CMTR1: variants seen among roughly 807,000 people sequenced by gnomAD.
The protein encoded by CMTR1 is cap-specific mRNA (nucleoside-2'-O-)-methyltransferase 1.
CMTR1 carries 39 observed loss-of-function variants against 107.0 expected under a neutral mutation model. The ratio of observed to expected loss-of-function variants is 0.36; its 90% CI spans 0.28 to 0.48. The LOEUF (loss-of-function observed/expected upper bound fraction) is 0.48, where lower values mean the gene tolerates loss of function less well. Ranked by LOEUF, CMTR1 falls within the 20% of genes least tolerant of loss-of-function variation. The pLI, the probability that CMTR1 is intolerant of heterozygous loss-of-function variation, is 0.99. For missense variants in CMTR1, 672 were observed against 1,064.9 expected, an observed-to-expected ratio of 0.63 and a Z score of 5.14; for synonymous variants, 366 against 379.5, an observed-to-expected ratio of 0.96 and a Z score of 0.41.
chr6:37,424,304 G>A, the CMTR1 span, among the ~76,000 whole-genome samples: 2 of 151,240 alleles, frequency 1.3e-5, no homozygotes, highest in Non-Finnish European at 2.9e-5. Flanking sequence ...GTGCAGTGGT[G>A]GGATCTCAGC....
Position 37,480,127 on chromosome 6 carries a change from C to T in CMTR1, c.2490C>T (p.Ile830=). Residue 830 remains isoleucine, a synonymous_variant, in exon 24 of 24, where the codon ATC becomes ATT. Coordinates refer to ENST00000373451, the MANE Select transcript of CMTR1 (RefSeq NM_015050.3). ...KLSKEDVLSF[I]QMHRA The stretch of plus-strand genomic sequence containing the variant: ...CCAAGGAGGACGTCCTCTCCTTCAT[C>T]CAGATGCACAGGGCCTAAGAGCCTC... 1.3e-6 allele frequency: 2 copies of T among 1,599,306 alleles called. No homozygotes were observed. The highest frequency in any genetic ancestry group is 2.3e-5 in the East Asian group (1 of 43,350).
chr6:37,464,423 C>T (rs1204853989), intron 13 of CMTR1, among the ~76,000 whole-genome samples: 1 of 150,948 alleles, frequency 6.6e-6, no homozygotes, highest in Non-Finnish European at 1.5e-5. Context: ...GCCGAGATCG[C>T]GCCACTGCAC....
At position 37,479,359 on chromosome 6, in the gene CMTR1, G is replaced by C. The variant is rs113130376; in HGVS notation, c.2375+104G>C. On this transcript the variant is annotated intron_variant, in intron 23 of 23. Transcript: ENST00000373451. ...GCACACCCTGGGTCCTGAGACTGTT[G>C]CCCATGCAGGGGTTCCCCTGAGCAC... 3,716 of 821,746 alleles carry C rather than the reference G, an allele frequency of 4.5e-3. 90 individuals carry two copies. The African/African-American group carries it at 0.054, about 12-fold the overall frequency. The allele number at this position is 821,746 out of a possible 1,614,324, so 50.9% of individuals were successfully genotyped here.
intron 13 of CMTR1, among the ~76,000 whole-genome samples, chr6:37,467,771 C>G (rs1761536448): frequency 6.6e-6 from 1 of 152,158 alleles, no homozygotes; most frequent in African/African-American, 2.4e-5. Context: ...ATTAGTATAG[C>G]CACATAAGCT....
At chr6:37,467,417 C>A (rs533156654) in intron 13 of CMTR1, among the ~76,000 whole-genome samples, 1 of 152,038 alleles carries the variant, frequency 6.6e-6, no homozygotes, top group Admixed American at 6.6e-5. Flanking sequence ...ATTTTATGAC[C>A]CATCATATGC....
Position 37,461,557 on chromosome 6 carries a change from G to A in CMTR1, c.1104G>A (p.Ser368=), listed in dbSNP as rs763006667. The part of the protein sequence containing the change: ...VHFLMADGGF[S]VEGQENLQEI... ...TTGTGCTCTCATTTCAGGGTTTCTC[G>A]GTGGAGGGGCAGGAGAACCTGCAGG... The change falls in exon 11 of 24, where the codon TCG becomes TCA. Residue 368 remains serine (S), a synonymous_variant. Transcript: ENST00000373451. 5.6e-6 allele frequency: 9 copies of A among 1,601,922 alleles called. No individual in the cohort carries two copies. Among genetic ancestry groups the A allele is most frequent in the Admixed American group, 3.5e-5 (2 of 57,818 alleles).
chr6:37,471,329 A>G (rs528830959), intron 14 of CMTR1, among the ~76,000 whole-genome samples: 2 of 152,352 alleles, frequency 1.3e-5, no homozygotes, highest in East Asian at 3.9e-4. Flanking sequence ...TTAACAGTGC[A>G]TCAGAGGGTG....
At position 37,480,205 on chromosome 6, in the gene CMTR1, G is replaced by A; in HGVS notation, c.*60G>A. On this transcript the variant is annotated 3_prime_UTR_variant, in exon 24 of 24. Coordinates refer to ENST00000373451, the MANE Select transcript of CMTR1 (RefSeq NM_015050.3). ...TGTCATTCCTGAGATGGGGCCACCT[G>A]GGGCCCACAGTGCTGGCTTCTTCCC... 6.3e-7 allele frequency: 1 copy of A among 1,586,372 alleles called. No individual in the cohort carries two copies. The highest frequency in any genetic ancestry group is 8.5e-7 in the Non-Finnish European group (1 of 1,170,546).
chr6:37,431,548 C>T (rs1370839426), upstream of CMTR1, among the ~76,000 whole-genome samples: 1 of 150,962 alleles, frequency 6.6e-6, no homozygotes, highest in Non-Finnish European at 1.5e-5. Flanking sequence ...ACAATCTTTC[C>T]TGTACAGAGT....
At chr6:37,438,317 T>C (rs1771586482) in intron 2 of CMTR1, among the ~76,000 whole-genome samples, 1 of 151,744 alleles carries the variant, frequency 6.6e-6, no homozygotes, top group South Asian at 2.1e-4. Flanking sequence ...GAGGTAGAGG[T>C]TGCACTGAGC....
Position 37,481,197 on chromosome 6 carries a change from G to A in CMTR1, c.*1052G>A. 7.7e-7 allele frequency: 1 copy of A among 1,303,654 alleles called. No individual in the cohort carries two copies. The highest frequency in any genetic ancestry group is 1.0e-6 in the Non-Finnish European group (1 of 988,746). 80.8% of individuals were successfully genotyped at this position (1,303,654 alleles called of 1,614,324 possible). The stretch of plus-strand genomic sequence containing the variant: ...ATCTTGGCCGACAACACAGAGAGGA[G>A]GGGGAGCTGGGCAGTAGCTTGGGGT... On this transcript the variant is annotated 3_prime_UTR_variant, in exon 24 of 24. Transcript: ENST00000373451.
chr6:37,453,459 A>C (rs1407603656), intron 8 of CMTR1, 147 bp downstream of exon 8: 1 of 736,458 alleles, frequency 1.4e-6, no homozygotes, highest in African/African-American at 1.8e-5. Flanking sequence ...ATAGGGTCCC[A>C]CAGTGCTTCT....
chr6:37,436,038 C>T (rs1232121614), intron 2 of CMTR1, among the ~76,000 whole-genome samples: 1 of 152,194 alleles, frequency 6.6e-6, no homozygotes, highest in Non-Finnish European at 1.5e-5. Flanking sequence ...CTGCCTTAAA[C>T]CAGTTAGAAG....
At chr6:37,474,788 A>T in intron 18 of CMTR1, 142 bp downstream of exon 18, 1 of 1,279,246 alleles carries the variant, frequency 7.8e-7, no homozygotes, top group Non-Finnish European at 1.1e-6. Flanking sequence ...GTTTATAATG[A>T]CTCCTCCCCG....
intron 13 of CMTR1, among the ~76,000 whole-genome samples, chr6:37,467,478 AGTTG>A (rs1409472502): frequency 6.6e-6 from 1 of 152,146 alleles, no homozygotes; most frequent in African/African-American, 2.4e-5. Context: ...AATTTGGTCA[AGTTG>A]GTTCATAGTG....
chr6:37,446,130 C>T (rs962376021), intron 3 of CMTR1, among the ~76,000 whole-genome samples, 161 bp from the exon 4 acceptor site: 15 of 152,192 alleles, frequency 9.9e-5, no homozygotes, highest in African/African-American at 3.6e-4. Context: ...AGTTATACTG[C>T]AGTTATTTAT....
At chr6:37,440,973 A>G (rs1771662260) in intron 2 of CMTR1, among the ~76,000 whole-genome samples, 2 of 152,292 alleles carry the variant, frequency 1.3e-5, no homozygotes, top group Middle Eastern at 3.4e-3. Flanking sequence ...ACTTTTTCAT[A>G]GGTAGACCTA....
intron 8 of CMTR1, among the ~76,000 whole-genome samples, chr6:37,456,721 T>C (rs1761302954): frequency 1.3e-5 from 2 of 152,174 alleles, no homozygotes; most frequent in African/African-American, 4.8e-5. Context: ...AGGCCAACTA[T>C]AGTCTTTTGC....
intron 8 of CMTR1, among the ~76,000 whole-genome samples, chr6:37,455,089 T>G (rs1317022880): frequency 6.6e-6 from 1 of 151,452 alleles, no homozygotes; most frequent in East Asian, 1.9e-4. Flanking sequence ...GACTGAAGTT[T>G]TTTTTTTTTT....
Sources: allele counts gnomAD v4.1 joint callset (sites outside exome capture counted in the v4.1 genomes callset), GRCh38; gene constraint gnomAD v4.1.1; transcripts MANE v1.5; gene names NCBI Gene and HGNC (gene_info 2026-07-23, HGNC 2026-07-21).